NRG1: variants seen among roughly 807,000 people sequenced by gnomAD.
The protein encoded by NRG1 is pro-neuregulin-1, membrane-bound isoform.
A neutral mutation model predicts 63.8 loss-of-function variants in NRG1; 18 were observed. The ratio of observed to expected loss-of-function variants is 0.28; its 90% CI spans 0.19 to 0.42. NRG1 has a LOEUF of 0.42. NRG1 is among the 10% of genes least tolerant of loss of function. The pLI is 1.00. For missense variants in NRG1, 762 were observed against 814.7 expected (o/e 0.94, Z 0.79); for synonymous variants, 302 against 301.3 (o/e 1.00, Z -0.02).
intron 1 of NRG1, among the ~76,000 whole-genome samples, chr8:32,573,608 A>G (rs868521758): frequency 6.6e-6 from 1 of 151,938 alleles, no homozygotes; most frequent in Non-Finnish European, 1.5e-5. Flanking sequence ...TCTTAGAACT[A>G]TGTATTTGGG....
intron 1 of NRG1, among the ~76,000 whole-genome samples, chr8:32,118,170 C>A (rs1832975482): frequency 6.6e-6 from 1 of 151,994 alleles, no homozygotes; most frequent in African/African-American, 2.4e-5. Flanking sequence ...GAACTTTGAT[C>A]CCTAGCATTG....
chr8:32,074,852 T>C (rs192871994), intron 1 of NRG1, among the ~76,000 whole-genome samples: 1 of 152,354 alleles, frequency 6.6e-6, no homozygotes, highest in East Asian at 1.9e-4. Flanking sequence ...TTTTTTTCTT[T>C]TCAATCAATA....
At chr8:32,569,963 A>G (rs1167409392) in intron 1 of NRG1, among the ~76,000 whole-genome samples, 3 of 139,300 alleles carry the variant, frequency 2.2e-5, no homozygotes, top group Non-Finnish European at 4.5e-5. Flanking sequence ...GCTGGAGTGC[A>G]GTGGCGCGAT....
chr8:32,072,621 G>A (rs541750698), intron 1 of NRG1, among the ~76,000 whole-genome samples: 1 of 152,234 alleles, frequency 6.6e-6, no homozygotes, highest in South Asian at 2.1e-4. Context: ...TGATCAAAAT[G>A]ACCTAACTCC....
At chr8:31,929,989 AGGC>A (rs770992625) in intron 1 of NRG1, among the ~76,000 whole-genome samples, 37 of 152,190 alleles carry the variant, frequency 2.4e-4, no homozygotes, top group Non-Finnish European at 5.1e-4. Context: ...CTTGTTCTCC[AGGC>A]AGTATGCCTT....
chr8:31,803,332 A>C (rs1490304077), intron 1 of NRG1, among the ~76,000 whole-genome samples: 7 of 152,154 alleles, frequency 4.6e-5, no homozygotes, highest in Admixed American at 2.6e-4. Flanking sequence ...GGCTGGGAAA[A>C]TGGAGGGTCA....
chr8:32,766,113 T>C (rs1358534764), exon 12 of NRG1: 2 of 152,188 alleles, frequency 1.3e-5, no homozygotes, highest in East Asian at 3.9e-4. Flanking sequence ...GTGAACTGAA[T>C]GTATTTCTTC....
chr8:32,334,318 G>C (rs1024492337), intron 1 of NRG1, among the ~76,000 whole-genome samples: 1 of 152,124 alleles, frequency 6.6e-6, no homozygotes, highest in Non-Finnish European at 1.5e-5. Context: ...ATATTAAAAA[G>C]CTCAGTGTAA....
chr8:32,639,819 G>A (rs575352908), intron 5 of NRG1, among the ~76,000 whole-genome samples: 5 of 152,174 alleles, frequency 3.3e-5, no homozygotes, highest in Admixed American at 2.6e-4. Context: ...TATAAGTCAA[G>A]TTCAATCACT....
At chr8:31,642,958 A>G (rs977653376) in intron 1 of NRG1, among the ~76,000 whole-genome samples, 6 of 150,280 alleles carry the variant, frequency 4.0e-5, no homozygotes, top group Admixed American at 2.0e-4. Flanking sequence ...GTAAATCTGC[A>G]CTTGGAATAT....
At chr8:32,198,338 G>A (rs1422483079) in intron 1 of NRG1, among the ~76,000 whole-genome samples, 4 of 151,958 alleles carry the variant, frequency 2.6e-5, no homozygotes, top group African/African-American at 7.2e-5. Flanking sequence ...CCACCACATC[G>A]GGCTAATTTT....
chr8:32,439,148 A>G (rs1339483128), intron 1 of NRG1, among the ~76,000 whole-genome samples: 1 of 152,184 alleles, frequency 6.6e-6, no homozygotes, highest in Non-Finnish European at 1.5e-5. Flanking sequence ...ATCCATCTCC[A>G]CTAATGTCAT....
chr8:31,784,224 G>A (rs557315469), intron 1 of NRG1, among the ~76,000 whole-genome samples: 1 of 152,230 alleles, frequency 6.6e-6, no homozygotes, highest in East Asian at 1.9e-4. Context: ...GAAAACACAG[G>A]TTTTCATAAA....
chr8:32,616,825 T>C lies in NRG1; in HGVS notation c.452-10T>C, dbSNP rs774584486. The C allele has an allele frequency of 3.7e-6, 6 of 1,601,292 alleles. No individual in the cohort carries two copies. The highest frequency in any genetic ancestry group is 5.1e-6 in the Non-Finnish European group (6 of 1,168,676). ...TCAATAAAGCCTCATTCCACTTTTA[T>C]GTTTTATAGAGTCTCCCATTAGAAT... On this transcript the variant is annotated splice_polypyrimidine_tract_variant and intron_variant, in intron 4 of 11. Coordinates refer to ENST00000356819, the Ensembl canonical transcript of NRG1.
intron 1 of NRG1, among the ~76,000 whole-genome samples, chr8:32,484,564 A>G (rs187071913): frequency 3.5e-4 from 53 of 152,244 alleles, no homozygotes; most frequent in Admixed American, 2.0e-3. Flanking sequence ...CAGGCATAGA[A>G]TCTATCTGGA....
At chr8:32,302,825 G>A (rs1043188298) in intron 1 of NRG1, among the ~76,000 whole-genome samples, 3 of 146,556 alleles carry the variant, frequency 2.0e-5, no homozygotes, top group African/African-American at 7.6e-5. Flanking sequence ...ATAAAAATTA[G>A]TAAACAGAAG....
At chr8:32,073,060 A>G (rs1054858091) in intron 1 of NRG1, among the ~76,000 whole-genome samples, 1 of 152,020 alleles carries the variant, frequency 6.6e-6, no homozygotes, top group Non-Finnish European at 1.5e-5. Flanking sequence ...AGGAAGTTGG[A>G]TGTTTAGGGA....
intron 1 of NRG1, among the ~76,000 whole-genome samples, chr8:32,402,605 C>T (rs1020757524): frequency 6.6e-6 from 1 of 152,106 alleles, no homozygotes; most frequent in South Asian, 2.1e-4. Flanking sequence ...ATTAGATCGA[C>T]CATGGCAGTA....
chr8:31,879,038 A>G (rs759642785), intron 1 of NRG1, among the ~76,000 whole-genome samples: 3 of 152,136 alleles, frequency 2.0e-5, no homozygotes, highest in Non-Finnish European at 4.4e-5. Flanking sequence ...AGGAAGTGGC[A>G]TCCCATTATC....
Sources: gnomAD v4.1 joint callset for allele counts (sites outside exome capture counted in the v4.1 genomes callset) on GRCh38, gnomAD v4.1.1 for gene constraint, MANE v1.5 for transcripts, NCBI Gene and HGNC (gene_info 2026-07-23, HGNC 2026-07-21) for gene names.